Variants in MYH11 observed in about 807,000 individuals in gnomAD.
The protein encoded by MYH11 is myosin heavy chain 11.
A neutral mutation model predicts 246.6 loss-of-function variants in MYH11; 80 were observed. The ratio of observed to expected loss-of-function variants is 0.32; its 90% CI spans 0.27 to 0.39. The LOEUF is 0.39. MYH11 is among the 10% of genes least tolerant of loss of function. MYH11 has a pLI of 1.00. For missense variants in MYH11, 2,158 were observed against 2,546.8 expected (o/e 0.85, Z 3.29); for synonymous variants, 1,071 against 1,015.5 (o/e 1.05, Z -1.04).
intron 4 of MYH11, among the ~76,000 whole-genome samples, chr16:15,788,364 A>G (rs1275627433): frequency 6.6e-6 from 1 of 151,556 alleles, no homozygotes; most frequent in Non-Finnish European, 1.5e-5. Flanking sequence ...TTTAAGTTGA[A>G]AAAAGAATTT....
intron 3 of MYH11, among the ~76,000 whole-genome samples, chr16:15,804,307 G>C (rs1167989629): frequency 6.6e-6 from 1 of 152,134 alleles, no homozygotes; most frequent in East Asian, 1.9e-4. Flanking sequence ...GACACAGCTG[G>C]ATCTCCTAAA....
chr16:15,726,775 G>A (rs552420362), intron 28 of MYH11, 73 bp downstream of exon 28: 60 of 1,570,622 alleles, frequency 3.8e-5, no homozygotes, highest in African/African-American at 1.9e-4. Context: ...TCAGCGAGCC[G>A]GGAAGAGGCT....
At chr16:15,771,937 C>A (rs1034804679) in intron 8 of MYH11, among the ~76,000 whole-genome samples, 1 of 151,958 alleles carries the variant, frequency 6.6e-6, no homozygotes, top group Non-Finnish European at 1.5e-5. Flanking sequence ...CAGCTGATAT[C>A]CAGCCTTGGT....
intron 6 of MYH11, among the ~76,000 whole-genome samples, chr16:15,780,175 T>C (rs2151300437): frequency 6.6e-6 from 1 of 152,258 alleles, no homozygotes; most frequent in African/African-American, 2.4e-5. Context: ...TGCACAGAAT[T>C]GGAACATGCA....
At chr16:15,763,341 A>T (rs954872552) in intron 10 of MYH11, among the ~76,000 whole-genome samples, 3 of 151,742 alleles carry the variant, frequency 2.0e-5, no homozygotes, top group Non-Finnish European at 4.4e-5. Flanking sequence ...TTTCTTTAAC[A>T]AAACAATTAA....
chr16:15,737,328 C>G, intron 25 of MYH11, 121 bp downstream of exon 25: 1 of 1,346,886 alleles, frequency 7.4e-7, no homozygotes. Flanking sequence ...GCCTGGGAAA[C>G]GAAGTTCATG....
Position 15,717,250 on chromosome 16 carries a change from C to G in MYH11, c.5394G>C (p.Arg1798=). ...QQLERQNKEL[R]SKLHEMEGAV... ...CCCCCTCCATCTCGTGGAGCTTGCTCCGGAGCTCCTTGTTCTGCCGCTCGA... is the reference window on the plus strand; with the variant it reads ...CCCCCTCCATCTCGTGGAGCTTGCTGCGGAGCTCCTTGTTCTGCCGCTCGA... The change falls in exon 38 of 41, where the codon CGG becomes CGC. Residue 1798 remains arginine, a synonymous_variant. Coordinates refer to ENST00000300036, the MANE Select transcript of MYH11 (RefSeq NM_002474.3). 1 of 1,614,182 alleles carries G rather than the reference C, an allele frequency of 6.2e-7. No homozygotes were observed. Among genetic ancestry groups the G allele is most frequent in the Non-Finnish European group, 8.5e-7 (1 of 1,180,050 alleles).
In MYH11 at chr16:15,727,060, G is replaced by C. The variant is rs193922630; in HGVS notation, c.3652-6C>G. On this transcript the variant is annotated splice_region_variant and splice_polypyrimidine_tract_variant and intron_variant, in intron 27 of 40. Coordinates refer to ENST00000300036, the MANE Select transcript of MYH11 (RefSeq NM_002474.3). ...TTGTCTAGGTTCGCCTTGGCCTGGC[G>C]AAGGAAGCAGAGGGGAGGGATAACA... The C allele has an allele frequency of 1.2e-6, 2 of 1,612,988 alleles. No individual in the cohort carries two copies. The highest frequency in any genetic ancestry group is 2.2e-5 in the South Asian group (2 of 91,076).
chr16:15,791,000 A>G (rs1596844674), intron 4 of MYH11: 1 of 122,216 alleles, frequency 8.2e-6, no homozygotes, highest in African/African-American at 3.2e-5. Context: ...TCTATTGCCC[A>G]GGCTGGAGTG....
intron 9 of MYH11, among the ~76,000 whole-genome samples, chr16:15,765,449 A>T (rs562084558): frequency 1.3e-5 from 2 of 152,044 alleles, no homozygotes; most frequent in African/African-American, 4.8e-5. Context: ...TGATGGATGG[A>T]TGAATGGATG....
intron 3 of MYH11, among the ~76,000 whole-genome samples, chr16:15,802,544 G>A (rs540725292): frequency 1.1e-4 from 16 of 152,168 alleles, no homozygotes; most frequent in Non-Finnish European, 1.9e-4. Flanking sequence ...AACCTCCCAG[G>A]CTCAAGCAAT....
chr16:15,711,466 C>T (rs1020856906), intron 40 of MYH11, among the ~76,000 whole-genome samples: 1 of 152,110 alleles, frequency 6.6e-6, no homozygotes, highest in Admixed American at 6.6e-5. Flanking sequence ...TATCATATTA[C>T]TTTCATCGTA....
rs770874606 is a variant in MYH11, at chr16:15,726,818, G to A, written c.3858+30C>T. Reference sequence around the variant, plus strand: ...ACAGAACTGGGCACCACCCAGCACTGCCCACCACACCACCGCGCCACCTCC... The same window carrying A: ...ACAGAACTGGGCACCACCCAGCACTACCCACCACACCACCGCGCCACCTCC... On this transcript the variant is annotated intron_variant, in intron 28 of 40. Coordinates refer to ENST00000300036, the MANE Select transcript of MYH11 (RefSeq NM_002474.3). 3.6e-5 allele frequency: 58 copies of A among 1,609,782 alleles called. No individual in the cohort carries two copies. In the South Asian group the frequency reaches 5.6e-4, roughly 16 times the overall value.
chr16:15,703,398 G>A lies in MYH11; in HGVS notation c.*593C>T, dbSNP rs1268510678. 4.2e-6 allele frequency: 1 copy of A among 238,702 alleles called. No homozygotes were observed. Among genetic ancestry groups the A allele is most frequent in the Non-Finnish European group, 8.3e-6 (1 of 120,648 alleles). The allele number at this position is 238,702 out of a possible 1,614,324, so 14.8% of individuals were successfully genotyped here. On this transcript the variant is annotated 3_prime_UTR_variant, in exon 41 of 41. Transcript: ENST00000300036. ...GTGGGGGCCGGCGGCACCCATTTCG[G>A]TGACTTTCTCCCCATTTCATGTAAA...
At chr16:15,745,753 A>G (rs1162667134) in intron 19 of MYH11, among the ~76,000 whole-genome samples, 2 of 151,476 alleles carry the variant, frequency 1.3e-5, no homozygotes, top group African/African-American at 4.8e-5. Flanking sequence ...ATGCCTGGCT[A>G]ATTTTTGTAT....
chr16:15,714,678 G>A (rs866836695), intron 40 of MYH11: 10 of 609,220 alleles, frequency 1.6e-5, no homozygotes, highest in East Asian at 1.1e-4. Flanking sequence ...GGAGACGGTC[G>A]ATCGTTAAAG....
rs766093291 is a variant in MYH11 at position 15,721,493 on chromosome 16, C to T, written c.4507G>A (p.Glu1503Lys). 2.5e-6 allele frequency: 4 copies of T among 1,614,194 alleles called. No individual in the cohort carries two copies. Among genetic ancestry groups the T allele is most frequent in the Non-Finnish European group, 3.4e-6 (4 of 1,180,044 alleles). ...EEALEAKEEL[E>K]RTNKMLKAEM... is the part of the protein sequence containing the mutation. ...GCTTTGAGCATTTTGTTGGTCCGCT[C>T]GAGTTCCTCTTTGGCTTCCAAGGCC... Residue 1503 changes from glutamate to lysine, a missense_variant, in exon 32 of 41, where the codon GAG (glutamate) becomes AAG (lysine). Glu to Lys is a moderately conservative substitution (Grantham distance 56, BLOSUM62 1). Transcript: ENST00000300036.
chr16:15,802,256 T>A (rs2042906121), intron 3 of MYH11, among the ~76,000 whole-genome samples: 1 of 152,210 alleles, frequency 6.6e-6, no homozygotes, highest in Non-Finnish European at 1.5e-5. Flanking sequence ...TGCAGGCGTA[T>A]GCTGAACTTC....
rs767239289 is a variant in MYH11 at position 15,823,271 on chromosome 16, G to A, written c.486C>T (p.Tyr162=). 6.2e-7 allele frequency: 1 copy of A among 1,614,208 alleles called. No individual in the cohort carries two copies. Among genetic ancestry groups the A allele is most frequent in the South Asian group, 1.1e-5 (1 of 91,084 alleles). ...TTCACTCACCTTGAAGCATGCTCCGGTAGGCCGTGTCTGCGATGGCGTAGA... is the reference window on the plus strand; with the variant it reads ...TTCACTCACCTTGAAGCATGCTCCGATAGGCCGTGTCTGCGATGGCGTAGA... ...PHIYAIADTA[Y]RSMLQDREDQ... The change falls in exon 3 of 41, where the codon TAC becomes TAT. Residue 162 remains tyrosine, a synonymous_variant. Coordinates refer to ENST00000300036, the MANE Select transcript of MYH11 (RefSeq NM_002474.3).
Sources: gnomAD v4.1 joint callset for allele counts (sites outside exome capture counted in the v4.1 genomes callset) on GRCh38, gnomAD v4.1.1 for gene constraint, MANE v1.5 for transcripts, NCBI Gene and HGNC (gene_info 2026-07-23, HGNC 2026-07-21) for gene names.